The following CALCOCO2 variants were observed in gnomAD, a reference collection of about 807,000 sequenced individuals.
CALCOCO2 encodes the protein calcium binding and coiled-coil domain 2.
Under a neutral mutation model 62.5 loss-of-function variants are expected in CALCOCO2, and 42 were observed. The ratio of observed to expected loss-of-function variants is 0.67; its 90% CI spans 0.53 to 0.87. CALCOCO2 has a LOEUF of 0.87. Ranked by LOEUF, CALCOCO2 falls within the 40% of genes least tolerant of loss-of-function variation. The pLI is 0.00. For synonymous variants in CALCOCO2, 167 were observed against 173.0 expected (o/e 0.97, Z 0.27); for missense variants, 456 against 515.0 (o/e 0.89, Z 1.11).
intron 5 of CALCOCO2, 63 bp downstream of exon 5, chr17:48,849,440 T>A (rs974620129): frequency 2.4e-5 from 33 of 1,386,982 alleles, no homozygotes; most frequent in Non-Finnish European, 3.2e-5. Context: ...GTGCCTCTTA[T>A]CCAGCACCAT....
chr17:48,854,398 T>A (rs796846068), intron 9 of CALCOCO2, among the ~76,000 whole-genome samples: 7 of 1,354 alleles, frequency 5.2e-3, no homozygotes, highest in African/African-American at 6.4e-3. Flanking sequence ...ATATATATAT[T>A]TTTTTTTTTT....
intron 4 of CALCOCO2, 55 bp downstream of exon 4, chr17:48,848,510 G>T: frequency 6.6e-7 from 1 of 1,526,340 alleles, no homozygotes; most frequent in African/African-American, 1.4e-5. Flanking sequence ...AGCAATATAG[G>T]ATAGGATGGA....
chr17:48,845,728 CAAA>C (rs534937285), intron 2 of CALCOCO2, among the ~76,000 whole-genome samples: 2 of 107,886 alleles, frequency 1.9e-5, no homozygotes. Context: ...GACTCCATCT[CAAA>C]AAAAAAAAAA....
intron 1 of CALCOCO2, among the ~76,000 whole-genome samples, chr17:48,840,419 C>T (rs2039961182): frequency 6.6e-6 from 1 of 152,216 alleles, no homozygotes; most frequent in Non-Finnish European, 1.5e-5. Flanking sequence ...GTGTGAGCCA[C>T]TGTGCCCAGC....
At chr17:48,846,209 T>C in intron 2 of CALCOCO2, 1 of 579,078 alleles carries the variant, frequency 1.7e-6, no homozygotes, top group Non-Finnish European at 2.9e-6. Flanking sequence ...CAATCTGGGC[T>C]CACTGCAACC....
chr17:48,838,670 C>T (rs757693426), intron 1 of CALCOCO2, among the ~76,000 whole-genome samples: 1 of 151,968 alleles, frequency 6.6e-6, no homozygotes, highest in Non-Finnish European at 1.5e-5. Context: ...GCCGAGATCG[C>T]GCCACTGCAC....
intron 2 of CALCOCO2, among the ~76,000 whole-genome samples, chr17:48,844,622 G>A (rs867374564): frequency 2.6e-5 from 4 of 152,070 alleles, no homozygotes; most frequent in Middle Eastern, 3.4e-3. Context: ...CAGTTCAAGC[G>A]ATTTCCTGTC....
Position 48,857,818 on chromosome 17 carries a change from C to CAA in CALCOCO2, c.1008+1640_1008+1641dup, listed in dbSNP as rs202087748. Among the ~76,000 whole-genome samples the CAA allele has an allele frequency of 5.9e-3, 847 of 142,418 alleles. 7 individuals carry two copies. Among genetic ancestry groups the CAA allele is most frequent in the African/African-American group, 0.021 (812 of 39,222 alleles). The allele number at this position is 142,418 out of a possible 152,430, so 93.4% of individuals were successfully genotyped here. A position where few individuals can be genotyped will look rare whatever the true frequency, so the allele number is the denominator to read the frequency against. On this transcript the variant is annotated intron_variant, in intron 10 of 12. Transcript: ENST00000258947. ...TGAAACCCCGTCTCTACTAAAAATA[C>CAA]AAAAAAAAAATTAGCGAGCTTGGTG...
intron 1 of CALCOCO2, among the ~76,000 whole-genome samples, chr17:48,840,017 G>T (rs1307286992): frequency 3.3e-5 from 5 of 151,700 alleles, no homozygotes; most frequent in African/African-American, 1.2e-4. Flanking sequence ...TCACTATATT[G>T]CCCAGGCTGG....
intron 6 of CALCOCO2, 170 bp downstream of exon 6, chr17:48,851,347 G>T: frequency 1.6e-6 from 1 of 627,330 alleles, no homozygotes; most frequent in Admixed American, 2.9e-5. Flanking sequence ...AGAATAGTCA[G>T]GAAAAATGAT....
chr17:48,858,621 T>C (rs1407854388), intron 10 of CALCOCO2, among the ~76,000 whole-genome samples: 1 of 151,980 alleles, frequency 6.6e-6, no homozygotes, highest in Non-Finnish European at 1.5e-5. Context: ...TAAGCCACTG[T>C]GTCCGGCCTA....
At chr17:48,852,356 C>T (rs2040145878) in intron 7 of CALCOCO2, 150 bp from the exon 8 acceptor site, 1 of 638,272 alleles carries the variant, frequency 1.6e-6, no homozygotes. Context: ...TAAAGAGGTG[C>T]TTTAAAGAGT....
intron 2 of CALCOCO2, among the ~76,000 whole-genome samples, chr17:48,845,357 TAATTA>T (rs1319454847): frequency 7.1e-6 from 1 of 141,256 alleles, no homozygotes; most frequent in African/African-American, 2.6e-5. Context: ...GTGTATTGCC[TAATTA>T]AATCCTCACT....
intron 10 of CALCOCO2, among the ~76,000 whole-genome samples, chr17:48,857,986 A>G (rs1279328141): frequency 5.3e-5 from 1 of 18,820 alleles, no homozygotes; most frequent in Non-Finnish European, 1.3e-4. Context: ...ATAGAATAGA[A>G]TAGAATAGAA....
rs1555573800 is a variant in CALCOCO2 at position 48,858,046 on chromosome 17, A to AATAGAATAGAATAGAATAG, written c.1008+1860_1008+1861insTAGAATAGAATAGAATAGA. ...ATAGAATAGAATAGAATAGAATAGA[A>AATAGAATAGAATAGAATAG]AATAGAATAGAATAGAATAGAATAG... On this transcript the variant is annotated intron_variant, in intron 10 of 12. Transcript: ENST00000258947. Among the ~76,000 whole-genome samples, 18 of 40,046 alleles carry AATAGAATAGAATAGAATAG rather than the reference A, an allele frequency of 4.5e-4. 6 individuals are homozygous for AATAGAATAGAATAGAATAG. Among genetic ancestry groups the AATAGAATAGAATAGAATAG allele is most frequent in the South Asian group, 9.6e-4 (1 of 1,044 alleles). 26.3% of individuals were successfully genotyped at this position (40,046 alleles called of 152,430 possible).
intron 10 of CALCOCO2, among the ~76,000 whole-genome samples, chr17:48,858,054 TAG>T (rs1369750480): frequency 7.2e-6 from 1 of 139,648 alleles, no homozygotes; most frequent in East Asian, 2.2e-4. Flanking sequence ...GAAAATAGAA[TAG>T]AATAGAATAG....
intron 2 of CALCOCO2, among the ~76,000 whole-genome samples, chr17:48,847,475 A>G (rs1303447549): frequency 1.3e-5 from 2 of 152,026 alleles, no homozygotes; most frequent in African/African-American, 4.8e-5. Context: ...GGTGGTGAGG[A>G]GCTAGTTTTC....
At chr17:48,857,444 G>A (rs1315257216) in intron 10 of CALCOCO2, among the ~76,000 whole-genome samples, 5 of 142,966 alleles carry the variant, frequency 3.5e-5, no homozygotes, top group Admixed American at 1.4e-4. Context: ...TGATCCACCC[G>A]CCTTGGCCTC....
At chr17:48,857,191 C>A (rs2040228728) in intron 10 of CALCOCO2, among the ~76,000 whole-genome samples, 1 of 130,198 alleles carries the variant, frequency 7.7e-6, no homozygotes, top group Admixed American at 9.0e-5. Flanking sequence ...AATTCTTCAT[C>A]TTTACCCTTT....
Sources: allele counts gnomAD v4.1 joint callset (sites outside exome capture counted in the v4.1 genomes callset), GRCh38; gene constraint gnomAD v4.1.1; transcripts MANE v1.5; gene names NCBI Gene and HGNC (gene_info 2026-07-23, HGNC 2026-07-21).